The following GTF2A1L variants were observed in gnomAD, a reference collection of about 807,000 sequenced individuals.
The protein encoded by GTF2A1L is general transcription factor IIA subunit 1 like.
GTF2A1L carries 48 observed loss-of-function variants against 49.7 expected under a neutral mutation model. The ratio of observed to expected loss-of-function variants is 0.97; its 90% CI spans 0.77 to 1.23. The LOEUF (loss-of-function observed/expected upper bound fraction) is 1.23, where lower values mean the gene tolerates loss of function less well. Among genes scored for constraint, GTF2A1L ranks in the 50% most tolerant of loss-of-function variants. The pLI is 0.00. For missense variants in GTF2A1L, 736 were observed against 564.8 expected (o/e 1.30, Z -3.07); for synonymous variants, 246 against 193.5 (o/e 1.27, Z -2.25).
chr2:48,645,712 A>G (rs530484005), intron 5 of GTF2A1L, among the ~76,000 whole-genome samples: 12 of 152,282 alleles, frequency 7.9e-5, no homozygotes, highest in South Asian at 6.2e-4. Context: ...GCAGTGGCGC[A>G]ATCTCTGCTC....
intron 6 of GTF2A1L, among the ~76,000 whole-genome samples, chr2:48,647,943 C>G (rs566832888): frequency 2.6e-5 from 4 of 152,148 alleles, no homozygotes; most frequent in Non-Finnish European, 5.9e-5. Context: ...GGTTTTTGCT[C>G]CAGCTAGTGG....
chr2:48,645,311 C>T (rs1006173002), intron 5 of GTF2A1L, among the ~76,000 whole-genome samples, 194 bp downstream of exon 5: 1 of 152,086 alleles, frequency 6.6e-6, no homozygotes, highest in Non-Finnish European at 1.5e-5. Context: ...CTGTACTAGG[C>T]CTGTCCTATA....
chr2:48,646,437 C>T lies in GTF2A1L; in HGVS notation c.389-16C>T. On this transcript the variant is annotated splice_polypyrimidine_tract_variant and intron_variant, in intron 5 of 8. Coordinates refer to ENST00000403751, the MANE Select transcript of GTF2A1L (RefSeq NM_006872.5). ...TAATTCTATTATACTTACAATTTTGCTTTCTCCTTTTTAAGGTCACCTTTA... is the reference window on the plus strand; with the variant it reads ...TAATTCTATTATACTTACAATTTTGTTTTCTCCTTTTTAAGGTCACCTTTA... 2.0e-6 allele frequency: 3 copies of T among 1,496,674 alleles called. No homozygotes were observed. The highest frequency in any genetic ancestry group is 2.4e-5 in the East Asian group (1 of 41,732). 92.7% of individuals were successfully genotyped at this position (1,496,674 alleles called of 1,614,324 possible). A position where few individuals can be genotyped will look rare whatever the true frequency, so the allele number is the denominator to read the frequency against.
chr2:48,634,400 T>C (rs1676770854), intron 3 of GTF2A1L, among the ~76,000 whole-genome samples: 1 of 152,182 alleles, frequency 6.6e-6, no homozygotes, highest in African/African-American at 2.4e-5. Flanking sequence ...CATGAGCCAC[T>C]GTGTCTCTGG....
chr2:48,664,413 C>A (rs188169845), intron 6 of GTF2A1L, among the ~76,000 whole-genome samples: 1 of 151,078 alleles, frequency 6.6e-6, no homozygotes, highest in South Asian at 2.1e-4. Flanking sequence ...TGGTGAGATA[C>A]ACTGATTGAT....
intron 6 of GTF2A1L, among the ~76,000 whole-genome samples, chr2:48,658,287 A>G (rs994774491): frequency 7.2e-5 from 11 of 152,140 alleles, no homozygotes; most frequent in African/African-American, 2.7e-4. Context: ...TATATGGTGA[A>G]AGGTAGGAGT....
intron 3 of GTF2A1L, among the ~76,000 whole-genome samples, chr2:48,640,832 C>T (rs1220876261): frequency 6.6e-6 from 1 of 151,944 alleles, no homozygotes. Context: ...TTGTTTGATG[C>T]ACATTTAAAG....
At chr2:48,618,651 T>G (rs1675797024) in intron 1 of GTF2A1L, among the ~76,000 whole-genome samples, 1 of 152,226 alleles carries the variant, frequency 6.6e-6, no homozygotes, top group Non-Finnish European at 1.5e-5. Context: ...GCTACTTTAA[T>G]TATATGTGTT....
intron 4 of GTF2A1L, 50 bp from the exon 5 acceptor site, chr2:48,644,983 T>C: frequency 6.5e-7 from 1 of 1,540,360 alleles, no homozygotes; most frequent in East Asian, 2.3e-5. Flanking sequence ...GAAAAAAAGA[T>C]ACAAGTAAAG....
intron 3 of GTF2A1L, among the ~76,000 whole-genome samples, chr2:48,640,828 G>C (rs1340199989): frequency 6.6e-6 from 1 of 151,982 alleles, no homozygotes; most frequent in Non-Finnish European, 1.5e-5. Flanking sequence ...AAATTTGTTT[G>C]ATGCACATTT....
At chr2:48,622,168 A>C (rs1426862428) in intron 3 of GTF2A1L, among the ~76,000 whole-genome samples, 1 of 152,260 alleles carries the variant, frequency 6.6e-6, no homozygotes, top group Non-Finnish European at 1.5e-5. Context: ...TGAAGAGAAC[A>C]TTGTAAGGAT....
chr2:48,644,608 A>T (rs2104188485), intron 4 of GTF2A1L, among the ~76,000 whole-genome samples: 1 of 152,338 alleles, frequency 6.6e-6, no homozygotes, highest in East Asian at 1.9e-4. Context: ...ATATATTGCA[A>T]AAATTATCCT....
At chr2:48,618,943 G>T (rs1184459758) in intron 1 of GTF2A1L, among the ~76,000 whole-genome samples, 1 of 151,874 alleles carries the variant, frequency 6.6e-6, no homozygotes, top group Non-Finnish European at 1.5e-5. Context: ...TTAGACCTAA[G>T]AGTTTTTTCC....
At chr2:48,648,256 C>T (rs945887897) in intron 6 of GTF2A1L, among the ~76,000 whole-genome samples, 2 of 151,902 alleles carry the variant, frequency 1.3e-5, no homozygotes, top group Non-Finnish European at 2.9e-5. Flanking sequence ...ACATATAACA[C>T]TTAGTAAATA....
At chr2:48,674,543 A>G (rs1263403031) in intron 8 of GTF2A1L, among the ~76,000 whole-genome samples, 1 of 152,226 alleles carries the variant, frequency 6.6e-6, no homozygotes, top group South Asian at 2.1e-4. Context: ...AAATATAAAC[A>G]TAAGAAGGAA....
chr2:48,645,197 A>G (rs2104192067), intron 5 of GTF2A1L, 80 bp downstream of exon 5: 1 of 1,245,700 alleles, frequency 8.0e-7, no homozygotes, highest in East Asian at 2.5e-5. Flanking sequence ...ATTTTTAAAT[A>G]AACTATATAC....
chr2:48,655,951 C>T (rs1263458653), intron 6 of GTF2A1L, among the ~76,000 whole-genome samples: 1 of 152,168 alleles, frequency 6.6e-6, no homozygotes, highest in African/African-American at 2.4e-5. Flanking sequence ...ACAGTACTTG[C>T]CCTTCTTCAT....
At chr2:48,655,212 G>A (rs922727131) in intron 6 of GTF2A1L, among the ~76,000 whole-genome samples, 1 of 151,386 alleles carries the variant, frequency 6.6e-6, no homozygotes, top group Non-Finnish European at 1.5e-5. Context: ...TACATATTCT[G>A]TTATATTTTT....
chr2:48,658,818 G>C (rs998555482), intron 6 of GTF2A1L, among the ~76,000 whole-genome samples: 1 of 149,822 alleles, frequency 6.7e-6, no homozygotes, highest in African/African-American at 2.5e-5. Context: ...TTGTATTTTT[G>C]TGGGATTGGT....
Sources: gnomAD v4.1 joint callset for allele counts (sites outside exome capture counted in the v4.1 genomes callset) on GRCh38, gnomAD v4.1.1 for gene constraint, MANE v1.5 for transcripts, NCBI Gene and HGNC (gene_info 2026-07-23, HGNC 2026-07-21) for gene names.